TAS2R1: variants seen among roughly 807,000 people sequenced by gnomAD.
TAS2R1 encodes the protein taste receptor type 2 member 1.
For missense variants in TAS2R1, 370 were observed against 353.4 expected, an observed-to-expected ratio of 1.05 and a Z score of -0.38; for synonymous variants, 141 against 134.2, an observed-to-expected ratio of 1.05 and a Z score of -0.35.
chr5:9,724,661 C>T, the TAS2R1 span, among the ~76,000 whole-genome samples: 4 of 152,158 alleles, frequency 2.6e-5, no homozygotes, highest in African/African-American at 9.6e-5. Context: ...TGTCACAGAG[C>T]CAGGTGGAGC....
chr5:9,706,704 G>A (rs902291186), intron 1 of TAS2R1, among the ~76,000 whole-genome samples: 5 of 152,184 alleles, frequency 3.3e-5, no homozygotes, highest in African/African-American at 1.2e-4. Flanking sequence ...GAATAATGGA[G>A]CTCAGAGGAT....
chr5:9,695,413 C>T (rs996485169), intron 1 of TAS2R1, among the ~76,000 whole-genome samples: 1 of 152,004 alleles, frequency 6.6e-6, no homozygotes, highest in Non-Finnish European at 1.5e-5. Context: ...CACCAACTCT[C>T]GGTAGATGGA....
At chr5:9,694,956 G>A (rs1374562588) in intron 1 of TAS2R1, among the ~76,000 whole-genome samples, 2 of 152,148 alleles carry the variant, frequency 1.3e-5, no homozygotes, top group African/African-American at 4.8e-5. Flanking sequence ...TAGGTTAAAC[G>A]ATATGTAAAA....
the TAS2R1 span, among the ~76,000 whole-genome samples, chr5:9,770,931 G>T: frequency 7.9e-5 from 12 of 152,218 alleles, no homozygotes; most frequent in Admixed American, 5.2e-4. Flanking sequence ...CTAGTACTAT[G>T]TGGAATAACA....
At chr5:9,851,385 A>G in the TAS2R1 span, among the ~76,000 whole-genome samples, 2 of 152,216 alleles carry the variant, frequency 1.3e-5, no homozygotes, top group Non-Finnish European at 2.9e-5. Flanking sequence ...CCTAAAATTG[A>G]CAAAGAAATA....
At chr5:9,900,977 C>T in the TAS2R1 span, among the ~76,000 whole-genome samples, 27 of 152,238 alleles carry the variant, frequency 1.8e-4, no homozygotes, top group Admixed American at 1.2e-3. Flanking sequence ...GTCTGAGAAG[C>T]GTGTCTCTGT....
the TAS2R1 span, among the ~76,000 whole-genome samples, chr5:9,823,998 G>A: frequency 6.6e-6 from 1 of 152,310 alleles, no homozygotes; most frequent in Non-Finnish European, 1.5e-5. Context: ...GAGGGCTGGG[G>A]GAGGAAAGTG....
chr5:9,743,566 G>A, the TAS2R1 span, among the ~76,000 whole-genome samples: 6 of 152,098 alleles, frequency 3.9e-5, no homozygotes, highest in Admixed American at 2.0e-4. Flanking sequence ...TTGTCACTTC[G>A]CGCCTCTTTG....
chr5:9,774,913 T>G, the TAS2R1 span, among the ~76,000 whole-genome samples: 1 of 152,242 alleles, frequency 6.6e-6, no homozygotes, highest in Admixed American at 6.5e-5. Context: ...CACCTAGGAC[T>G]GGTGTAACCA....
the TAS2R1 span, among the ~76,000 whole-genome samples, chr5:9,783,399 C>T: frequency 2.6e-5 from 4 of 152,188 alleles, no homozygotes; most frequent in African/African-American, 9.7e-5. Flanking sequence ...CAAGGCTGGC[C>T]TGGAGAAGGC....
chr5:9,891,360 G>T, the TAS2R1 span, among the ~76,000 whole-genome samples: 6 of 152,114 alleles, frequency 3.9e-5, no homozygotes, highest in African/African-American at 1.4e-4. Context: ...AAAAGATATT[G>T]TTCATTTAGC....
chr5:9,701,770 A>G (rs1394731931), intron 1 of TAS2R1, among the ~76,000 whole-genome samples: 1 of 152,212 alleles, frequency 6.6e-6, no homozygotes, highest in Non-Finnish European at 1.5e-5. Flanking sequence ...AGATAACTAA[A>G]CTTTTCCCAA....
chr5:9,723,593 G>A, the TAS2R1 span, among the ~76,000 whole-genome samples: 5 of 152,350 alleles, frequency 3.3e-5, no homozygotes, highest in Admixed American at 2.6e-4. Flanking sequence ...AGGAAGAGGG[G>A]AGATGCCCAC....
intron 1 of TAS2R1, among the ~76,000 whole-genome samples, chr5:9,693,449 G>T (rs923482485): frequency 2.7e-5 from 4 of 149,430 alleles, no homozygotes; most frequent in Non-Finnish European, 5.9e-5. Context: ...GCTTGAACCT[G>T]GGAGGAGGTG....
At chr5:9,782,617 C>G in the TAS2R1 span, among the ~76,000 whole-genome samples, 2 of 152,248 alleles carry the variant, frequency 1.3e-5, no homozygotes, top group African/African-American at 2.4e-5. Context: ...TGGTCTCCAG[C>G]TGCAGGGACC....
chr5:9,850,889 A>T, the TAS2R1 span, among the ~76,000 whole-genome samples: 3 of 152,240 alleles, frequency 2.0e-5, no homozygotes, highest in Non-Finnish European at 2.9e-5. Context: ...TTTGGGATCC[A>T]TTAATTAAAG....
chr5:9,842,514 G>A, the TAS2R1 span, among the ~76,000 whole-genome samples: 1 of 151,660 alleles, frequency 6.6e-6, no homozygotes, highest in Non-Finnish European at 1.5e-5. Context: ...GTAGAGAAGG[G>A]GTTCCACCAT....
chr5:9,892,966 C>A, the TAS2R1 span, among the ~76,000 whole-genome samples: 3 of 152,050 alleles, frequency 2.0e-5, no homozygotes, highest in Non-Finnish European at 4.4e-5. Context: ...TGATCATGCA[C>A]CAGACAAAGC....
chr5:9,859,274 G>A, the TAS2R1 span, among the ~76,000 whole-genome samples: 8 of 152,120 alleles, frequency 5.3e-5, no homozygotes, highest in South Asian at 2.1e-4. Context: ...ATAAAGCCAC[G>A]AAAGAAACCA....
Sources: allele counts gnomAD v4.1 joint callset (sites outside exome capture counted in the v4.1 genomes callset), GRCh38; gene constraint gnomAD v4.1.1; transcripts MANE v1.5; gene names NCBI Gene and HGNC (gene_info 2026-07-23, HGNC 2026-07-21).